Variants in CAPN7 observed in about 807,000 individuals in gnomAD.
The protein encoded by CAPN7 is calpain-7.
A neutral mutation model predicts 115.2 loss-of-function variants in CAPN7; 72 were observed. The observed-to-expected ratio is 0.63, with a 90% CI of 0.52 to 0.76. CAPN7 has a LOEUF of 0.76. Among genes scored for constraint, CAPN7 ranks in the 30% least tolerant of loss-of-function variants. The pLI is 0.00. For synonymous variants in CAPN7, 344 were observed against 322.3 expected (o/e 1.07, Z -0.72); for missense variants, 905 against 971.5 (o/e 0.93, Z 0.91).
In CAPN7 at chr3:15,219,262, G is replaced by A. The variant is rs142031588; in HGVS notation, c.437+722G>A. On this transcript the variant is annotated intron_variant, in intron 4 of 20. Transcript: ENST00000253693. ...AAAGAATGAATGAGTTTGCATAAGC[G>A]AATTATATATCTTGAAAGAGTGTTG... is the stretch of plus-strand genomic sequence containing the variant. 6.7e-3 allele frequency among the ~76,000 whole-genome samples: 1,023 copies of A among 152,260 alleles called. 20 individuals are homozygous for A. The highest frequency in any genetic ancestry group is 0.024 in the African/African-American group (982 of 41,536).
At chr3:15,242,395 A>G (rs926850956) in intron 16 of CAPN7, 142 bp downstream of exon 16, 1 of 568,540 alleles carries the variant, frequency 1.8e-6, no homozygotes, top group African/African-American at 1.9e-5. Flanking sequence ...ACTCAAGCAG[A>G]TGGGTATTCA....
intron 2 of CAPN7, among the ~76,000 whole-genome samples, chr3:15,212,974 A>C (rs368596649): frequency 6.6e-6 from 1 of 152,346 alleles, no homozygotes; most frequent in East Asian, 1.9e-4. Context: ...GATAAAGTAG[A>C]TTTAATCATT....
chr3:15,219,029 C>G (rs1243679878), intron 4 of CAPN7, among the ~76,000 whole-genome samples: 1 of 152,174 alleles, frequency 6.6e-6, no homozygotes, highest in Non-Finnish European at 1.5e-5. Context: ...CCTGATTATT[C>G]TGGTATTTTT....
chr3:15,240,665 A>C (rs750388286), intron 13 of CAPN7, 48 bp downstream of exon 13: 50 of 1,552,900 alleles, frequency 3.2e-5, no homozygotes, highest in Non-Finnish European at 4.0e-5. Flanking sequence ...TCAAAAAAAA[A>C]CATGTTTTAA....
At chr3:15,215,449 A>T (rs9822276) in intron 2 of CAPN7, among the ~76,000 whole-genome samples, 60,195 of 152,086 alleles carry the variant, frequency 0.4, 15,448 homozygotes, top group African/African-American at 0.72. Context: ...AATTTTAGAA[A>T]GTTTTCATCA....
At chr3:15,226,685 T>C (rs889413329) in intron 6 of CAPN7, among the ~76,000 whole-genome samples, 1 of 152,110 alleles carries the variant, frequency 6.6e-6, no homozygotes, top group Non-Finnish European at 1.5e-5. Flanking sequence ...ATAAAAAATG[T>C]TTGAGATATG....
At chr3:15,217,124 G>C (rs1283556426) in intron 2 of CAPN7, among the ~76,000 whole-genome samples, 1 of 151,750 alleles carries the variant, frequency 6.6e-6, no homozygotes, top group Non-Finnish European at 1.5e-5. Flanking sequence ...GTACACTCCT[G>C]TAGTCCCAGC....
At chr3:15,243,754 A>G (rs1334341285) in intron 16 of CAPN7, among the ~76,000 whole-genome samples, 2 of 152,106 alleles carry the variant, frequency 1.3e-5, no homozygotes, top group African/African-American at 4.8e-5. Flanking sequence ...TACGAACACA[A>G]AGAAGGAAAC....
At position 15,252,634 on chromosome 3, in the gene CAPN7, C is replaced by T. The variant is rs1158181909; in HGVS notation, c.*1374C>T. On this transcript the variant is annotated 3_prime_UTR_variant, in exon 21 of 21. Transcript: ENST00000253693. ...CAGGATGCAAACTAAAAACCTAATC[C>T]CTGCCATCAAATTTATTAGAAGAGA... is the stretch of plus-strand genomic sequence containing the variant. The T allele has an allele frequency of 6.6e-6, 1 of 151,994 alleles. No individual in the cohort carries two copies. The highest frequency in any genetic ancestry group is 2.4e-5 in the African/African-American group (1 of 41,294). The allele number at this position is 151,994 out of a possible 1,614,324, so 9.4% of individuals were successfully genotyped here.
At chr3:15,232,997 A>G (rs915151110) in intron 10 of CAPN7, among the ~76,000 whole-genome samples, 8 of 152,180 alleles carry the variant, frequency 5.3e-5, no homozygotes, top group Non-Finnish European at 7.4e-5. Context: ...TACTTGTTTT[A>G]TCCAGTCTTA....
At chr3:15,243,251 A>C (rs545536916) in intron 16 of CAPN7, among the ~76,000 whole-genome samples, 11 of 152,314 alleles carry the variant, frequency 7.2e-5, no homozygotes, top group African/African-American at 2.6e-4. Flanking sequence ...GTATCAAAAG[A>C]GGTCAGAAAG....
intron 12 of CAPN7, among the ~76,000 whole-genome samples, chr3:15,235,609 C>T (rs541803988): frequency 2.6e-4 from 39 of 152,124 alleles, no homozygotes; most frequent in Non-Finnish European, 5.6e-4. Context: ...GATCATCAGG[C>T]ATTAGATTCT....
chr3:15,223,464 G>T lies in CAPN7; in HGVS notation c.639-11G>T. ...ACTTGAACATTTAGGTTTTTTTCTC[G>T]TGTTTGATAGGACAACATCAAAAAT... On this transcript the variant is annotated splice_polypyrimidine_tract_variant and intron_variant, in intron 5 of 20. Transcript: ENST00000253693. The T allele has an allele frequency of 6.4e-7, 1 of 1,554,896 alleles. No individual in the cohort carries two copies. The highest frequency in any genetic ancestry group is 8.9e-7 in the Non-Finnish European group (1 of 1,128,462).
chr3:15,241,338 A>C, intron 14 of CAPN7, 115 bp from the exon 15 acceptor site: 1 of 1,030,322 alleles, frequency 9.7e-7, no homozygotes, highest in Non-Finnish European at 1.4e-6. Flanking sequence ...AAAATTTAAA[A>C]ACAGTAAAAC....
chr3:15,208,444 A>G (rs1575146685), intron 1 of CAPN7, among the ~76,000 whole-genome samples: 1 of 145,042 alleles, frequency 6.9e-6, no homozygotes, highest in Admixed American at 6.9e-5. Context: ...ACACAACCAC[A>G]CTTGGCTAAT....
In CAPN7 at chr3:15,206,301, G is replaced by T. The variant is rs1227391246; in HGVS notation, c.-195G>T. The T allele has an allele frequency of 3.8e-6, 2 of 521,224 alleles. No homozygotes were observed. Among genetic ancestry groups the T allele is most frequent in the Non-Finnish European group, 6.7e-6 (2 of 296,734 alleles). The allele number at this position is 521,224 out of a possible 1,614,324, so 32.3% of individuals were successfully genotyped here. ...CCGGGTGGGCTACAAGCCGGGTCTG[G>T]GCTGAGGGGCGCGGCTTCGCGGTGG... On this transcript the variant is annotated 5_prime_UTR_variant, in exon 1 of 21. Coordinates refer to ENST00000253693, the MANE Select transcript of CAPN7 (RefSeq NM_014296.3).
At chr3:15,219,528 T>C (rs1693838683) in intron 4 of CAPN7, among the ~76,000 whole-genome samples, 1 of 152,242 alleles carries the variant, frequency 6.6e-6, no homozygotes, top group South Asian at 2.1e-4. Context: ...TTCTTTCACC[T>C]GTCAGAATTA....
intron 17 of CAPN7, 39 bp downstream of exon 17, chr3:15,245,710 A>C: frequency 6.3e-7 from 1 of 1,584,316 alleles, no homozygotes; most frequent in Non-Finnish European, 8.6e-7. Flanking sequence ...ACACAGTAAT[A>C]TAAAGTATGT....
chr3:15,227,025 A>G (rs933605754), intron 6 of CAPN7, among the ~76,000 whole-genome samples: 1 of 151,972 alleles, frequency 6.6e-6, no homozygotes, highest in African/African-American at 2.4e-5. Flanking sequence ...TACTTCAGGA[A>G]GGCTGGTATC....
Sources: gnomAD v4.1 joint callset for allele counts (sites outside exome capture counted in the v4.1 genomes callset) on GRCh38, gnomAD v4.1.1 for gene constraint, MANE v1.5 for transcripts, NCBI Gene and HGNC (gene_info 2026-07-23, HGNC 2026-07-21) for gene names.